HMGXB3: variants seen among roughly 807,000 people sequenced by gnomAD.
HMGXB3 encodes HMG-box containing 3.
HMGXB3 carries 45 observed loss-of-function variants against 121.5 expected under a neutral mutation model. The ratio of observed to expected loss-of-function variants is 0.37; its 90% CI spans 0.29 to 0.47. HMGXB3 has a LOEUF of 0.47. Among genes scored for constraint, HMGXB3 ranks in the 20% least tolerant of loss-of-function variants. HMGXB3 has a pLI of 0.99. For synonymous variants in HMGXB3, 590 were observed against 624.1 expected, an observed-to-expected ratio of 0.95 and a Z score of 0.81; for missense variants, 1,376 against 1,602.2, an observed-to-expected ratio of 0.86 and a Z score of 2.41.
In HMGXB3 at chr5:150,047,653, C is replaced by G; in HGVS notation, c.2980C>G (p.Gln994Glu). The change falls in exon 17 of 20, where the codon CAG becomes GAG. Residue 994 changes from glutamine (Q) to glutamate (E), a missense_variant. Gln to Glu is a conservative substitution (Grantham distance 29). Coordinates refer to ENST00000502717, the MANE Select transcript of HMGXB3 (RefSeq NM_014983.3). Reference protein sequence around the residue: ...GSGSALVRLLQEGTCKLDEIG... With the variant: ...GSGSALVRLLEEGTCKLDEIG... ...TGGCAGTGCCTTGGTGAGGCTGCTCCAGGAGGGCACCTGCAAGCTTGATGA... is the reference window on the plus strand; with the variant it reads ...TGGCAGTGCCTTGGTGAGGCTGCTCGAGGAGGGCACCTGCAAGCTTGATGA... 1.3e-6 allele frequency: 2 copies of G among 1,551,718 alleles called. No individual in the cohort carries two copies. The highest frequency in any genetic ancestry group is 1.7e-6 in the Non-Finnish European group (2 of 1,146,994).
At chr5:150,042,327 CAA>C (rs1756653492) in intron 15 of HMGXB3, among the ~76,000 whole-genome samples, 2 of 152,256 alleles carry the variant, frequency 1.3e-5, no homozygotes, top group East Asian at 3.9e-4. Context: ...ACACAGGAAA[CAA>C]ATATCTGTCC....
intron 5 of HMGXB3, among the ~76,000 whole-genome samples, chr5:150,014,371 G>T (rs987629556): frequency 2.0e-5 from 3 of 152,222 alleles, no homozygotes; most frequent in African/African-American, 4.8e-5. Flanking sequence ...TATAAACAGA[G>T]AATTCTTTAC....
chr5:150,017,159 T>G (rs1399421330), intron 5 of HMGXB3, among the ~76,000 whole-genome samples: 2 of 152,180 alleles, frequency 1.3e-5, no homozygotes, highest in East Asian at 3.8e-4. Context: ...AACGTCATCC[T>G]TGAACATTAG....
chr5:150,030,501 A>C (rs1252522698), intron 9 of HMGXB3: 2 of 435,678 alleles, frequency 4.6e-6, no homozygotes, highest in Non-Finnish European at 8.4e-6. Flanking sequence ...AATCTGATTC[A>C]TGGTGTTTCT....
At chr5:150,016,248 G>A (rs1755956711) in intron 5 of HMGXB3, among the ~76,000 whole-genome samples, 1 of 151,872 alleles carries the variant, frequency 6.6e-6, no homozygotes, top group Admixed American at 6.6e-5. Flanking sequence ...GGCTGAGGTG[G>A]GAGGATTGCT....
chr5:150,030,931 G>C, intron 10 of HMGXB3, 92 bp downstream of exon 10: 3 of 881,718 alleles, frequency 3.4e-6, no homozygotes, highest in Middle Eastern at 2.2e-4. Context: ...AGAGGGTGGT[G>C]GTAGCTGGGA....
In HMGXB3 at chr5:150,012,345, A is replaced by C. The variant is rs899701278; in HGVS notation, c.901A>C (p.Ile301Leu). The C allele has an allele frequency of 1.8e-5, 28 of 1,550,722 alleles. No individual in the cohort carries two copies. Among genetic ancestry groups the C allele is most frequent in the Non-Finnish European group, 2.4e-5 (27 of 1,145,720 alleles). The change falls in exon 5 of 20, where the codon ATC becomes CTC. Residue 301 changes from isoleucine to leucine, a missense_variant. By Grantham distance (5) the Ile-to-Leu change is conservative (BLOSUM62 2). Coordinates refer to ENST00000502717, the MANE Select transcript of HMGXB3 (RefSeq NM_014983.3). ...AYSVVENPTS[I>L]KLTTTYTRRG... ...CTCGGTTGTGGAGAACCCCACCTCC[A>C]TCAAACTGGTCAGTACTGTATGTGG... is the stretch of plus-strand genomic sequence containing the variant.
chr5:150,016,489 T>C (rs1755964189), intron 5 of HMGXB3, among the ~76,000 whole-genome samples: 1 of 152,236 alleles, frequency 6.6e-6, no homozygotes, highest in African/African-American at 2.4e-5. Context: ...TCTTGATAAA[T>C]TGGCCCCTTT....
At chr5:150,024,143 C>T in intron 6 of HMGXB3, 119 bp from the exon 7 acceptor site, 1 of 843,174 alleles carries the variant, frequency 1.2e-6, no homozygotes, top group East Asian at 2.8e-5. Context: ...TAACTTCTTC[C>T]TTTCATGGAC....
intron 11 of HMGXB3, among the ~76,000 whole-genome samples, chr5:150,033,992 G>A (rs993569784): frequency 4.6e-5 from 7 of 152,164 alleles, no homozygotes; most frequent in Non-Finnish European, 8.8e-5. Flanking sequence ...CCTCTCCCGA[G>A]CTTTAGTTTC....
intron 9 of HMGXB3, among the ~76,000 whole-genome samples, chr5:150,029,901 G>A (rs9324639): frequency 0.015 from 2,248 of 152,264 alleles, 62 homozygotes; most frequent in African/African-American, 0.052. Flanking sequence ...TCTGGTTAGC[G>A]TCGGTAGTTT....
intron 6 of HMGXB3, chr5:150,021,943 C>T (rs537053359): frequency 1.7e-5 from 8 of 467,896 alleles, no homozygotes; most frequent in East Asian, 1.2e-4. Context: ...GCTTCCTGAC[C>T]GACTTGTTCC....
At chr5:150,041,710 C>A in intron 14 of HMGXB3, 75 bp from the exon 15 acceptor site, 1 of 1,064,596 alleles carries the variant, frequency 9.4e-7, no homozygotes. Flanking sequence ...GCTCTACTTA[C>A]TACCCACTGG....
chr5:150,016,333 T>A (rs1443917603), intron 5 of HMGXB3, among the ~76,000 whole-genome samples: 4 of 116,472 alleles, frequency 3.4e-5, no homozygotes, highest in African/African-American at 9.7e-5. Flanking sequence ...AGAGTGAGAC[T>A]CTGTCTCAAA....
chr5:150,006,527 C>T lies in HMGXB3; in HGVS notation c.192C>T (p.Leu64=), dbSNP rs1325766257. ...YDIYLKVQQE[L]PHLPQSEINK... ...TCTACCTGAAAGTGCAGCAGGAGCT[C>T]CCCCACCTCCCTCAGTCTGAGATCA... is the stretch of plus-strand genomic sequence containing the variant. Residue 64 remains leucine (L), a synonymous_variant, in exon 3 of 20, where the codon CTC becomes CTT. Coordinates refer to ENST00000502717, the MANE Select transcript of HMGXB3 (RefSeq NM_014983.3). 8 of 1,551,896 alleles carry T rather than the reference C, an allele frequency of 5.2e-6. No individual in the cohort carries two copies. The Admixed American group carries it at 1.2e-4, about 23-fold the overall frequency.
rs996067784 is a variant in HMGXB3, at chr5:150,001,139, C to T, written c.-43C>T. 2 of 153,688 alleles carry T rather than the reference C, an allele frequency of 1.3e-5. No individual in the cohort carries two copies. The highest frequency in any genetic ancestry group is 2.9e-5 in the Non-Finnish European group (2 of 68,256). The allele number at this position is 153,688 out of a possible 1,614,324, so 9.5% of individuals were successfully genotyped here. A position where few individuals can be genotyped will look rare whatever the true frequency, so the allele number is the denominator to read the frequency against. ...CCTCGTCCAGCCGCCGGGCCAAGCG[C>T]CTCCGGGAATGTGAGCGGCGCAGCT... On this transcript the variant is annotated 5_prime_UTR_variant, in exon 1 of 20. Transcript: ENST00000502717.
chr5:150,041,574 G>C (rs1159918629), intron 14 of HMGXB3, among the ~76,000 whole-genome samples: 1 of 152,240 alleles, frequency 6.6e-6, no homozygotes, highest in Non-Finnish European at 1.5e-5. Flanking sequence ...TTAGTACAAG[G>C]CAGCTATCAC....
At chr5:150,025,900 G>T (rs576749322) in intron 7 of HMGXB3, among the ~76,000 whole-genome samples, 1 of 150,728 alleles carries the variant, frequency 6.6e-6, no homozygotes, top group Non-Finnish European at 1.5e-5. Context: ...GCGCCATCTC[G>T]TCTCACTGCA....
intron 5 of HMGXB3, chr5:150,015,098 G>C (rs1755929215): frequency 2.7e-6 from 1 of 366,708 alleles, no homozygotes; most frequent in African/African-American, 2.2e-5. Flanking sequence ...GGAGATACAG[G>C]AGAATGTATT....
Sources: gnomAD v4.1 joint callset for allele counts (sites outside exome capture counted in the v4.1 genomes callset) on GRCh38, gnomAD v4.1.1 for gene constraint, MANE v1.5 for transcripts, NCBI Gene and HGNC (gene_info 2026-07-23, HGNC 2026-07-21) for gene names.